Variants in EVA1C observed in about 807,000 individuals in gnomAD.
EVA1C encodes the protein protein eva-1 homolog C.
In EVA1C, 25 loss-of-function variants were observed where a neutral mutation model predicts 45.4. That is an observed-to-expected ratio of 0.55 (90% CI 0.40 to 0.77). The LOEUF is 0.77. Ranked by LOEUF, EVA1C falls within the 30% of genes least tolerant of loss-of-function variation. The pLI, the probability that EVA1C is intolerant of heterozygous loss-of-function variation, is 0.00. For synonymous variants in EVA1C, 190 were observed against 221.2 expected, an observed-to-expected ratio of 0.86 and a Z score of 1.25; for missense variants, 479 against 554.8, an observed-to-expected ratio of 0.86 and a Z score of 1.37.
chr21:32,453,208 A>T (rs927391962), intron 1 of EVA1C, 104 bp from the exon 2 acceptor site: 16 of 750,596 alleles, frequency 2.1e-5, no homozygotes. Flanking sequence ...CATGTTGTTG[A>T]TTGAACAGCC....
At chr21:32,438,500 A>AC (rs1276359343) in intron 1 of EVA1C, among the ~76,000 whole-genome samples, 4 of 150,504 alleles carry the variant, frequency 2.7e-5, no homozygotes, top group African/African-American at 9.7e-5. Flanking sequence ...AAAAAAAAAA[A>AC]AAAAAAAACC....
chr21:32,460,679 A>T (rs1356296747), intron 3 of EVA1C, among the ~76,000 whole-genome samples: 1 of 152,114 alleles, frequency 6.6e-6, no homozygotes, highest in Non-Finnish European at 1.5e-5. Flanking sequence ...TTTCACACAA[A>T]TATGTGCAAG....
chr21:32,467,491 C>A (rs372679804), intron 3 of EVA1C, among the ~76,000 whole-genome samples: 2 of 152,138 alleles, frequency 1.3e-5, no homozygotes, highest in African/African-American at 2.4e-5. Flanking sequence ...AGGGTCTTTG[C>A]GCTTGTCAAC....
Position 32,438,677 on chromosome 21 carries a change from T to C in EVA1C, c.161-14635T>C, listed in dbSNP as rs375175492. On this transcript the variant is annotated intron_variant, in intron 1 of 7. Transcript: ENST00000300255. Reference sequence around the variant, plus strand: ...CCCACTGGTATTGATTTAGGGGTTATAAATAAACATTATCAAGTAGGTGAA... The same window carrying C: ...CCCACTGGTATTGATTTAGGGGTTACAAATAAACATTATCAAGTAGGTGAA... Among the ~76,000 whole-genome samples the C allele has an allele frequency of 2.2e-4, 33 of 152,170 alleles. 3 individuals carry two copies. The highest frequency in any genetic ancestry group is 1.6e-3 in the Admixed American group (25 of 15,272).
At chr21:32,423,896 G>A (rs1379168983) in intron 1 of EVA1C, among the ~76,000 whole-genome samples, 1 of 152,126 alleles carries the variant, frequency 6.6e-6, no homozygotes, top group Admixed American at 6.6e-5. Context: ...TGCCTCTGAT[G>A]CCCTGTGAAT....
chr21:32,445,101 G>C (rs1286383843), intron 1 of EVA1C, among the ~76,000 whole-genome samples: 2 of 152,230 alleles, frequency 1.3e-5, no homozygotes, highest in African/African-American at 4.8e-5. Context: ...AATTTTGAGG[G>C]CTTCAATATT....
intron 7 of EVA1C, among the ~76,000 whole-genome samples, chr21:32,507,981 A>ATG (rs1169375308): frequency 2.1e-5 from 3 of 146,220 alleles, no homozygotes; most frequent in African/African-American, 5.1e-5. Flanking sequence ...GTGTGCCTGC[A>ATG]TGTGTGTGTG....
In EVA1C at chr21:32,504,431, G is replaced by C. The variant is rs16989434; in HGVS notation, c.949+416G>C. 6.8e-3 allele frequency among the ~76,000 whole-genome samples: 1,032 copies of C among 152,278 alleles called. 19 individuals carry two copies. The highest frequency in any genetic ancestry group is 0.045 in the East Asian group (236 of 5,188). On this transcript the variant is annotated intron_variant, in intron 7 of 7. Coordinates refer to ENST00000300255, the MANE Select transcript of EVA1C (RefSeq NM_058187.5). The stretch of plus-strand genomic sequence containing the variant: ...CCCCATGAAGACAGAGCCACTTTCT[G>C]GGTCATGAGTGTTATTCCTAATAGT...
intron 1 of EVA1C, among the ~76,000 whole-genome samples, chr21:32,448,206 C>T (rs528286798): frequency 6.6e-6 from 1 of 152,330 alleles, no homozygotes; most frequent in African/African-American, 2.4e-5. Context: ...AGCATTTGGG[C>T]AGCCTGTCCT....
At chr21:32,451,965 G>A (rs951259530) in intron 1 of EVA1C, among the ~76,000 whole-genome samples, 2 of 152,066 alleles carry the variant, frequency 1.3e-5, no homozygotes, top group African/African-American at 2.4e-5. Context: ...CCCCACCATC[G>A]CCTCCCTGCA....
Position 32,467,698 on chromosome 21 carries a change from G to A in EVA1C, c.484G>A (p.Glu162Lys), listed in dbSNP as rs748629119. 1.2e-6 allele frequency: 2 copies of A among 1,602,370 alleles called. No homozygotes were observed. Among genetic ancestry groups the A allele is most frequent in the Non-Finnish European group, 1.7e-6 (2 of 1,175,860 alleles). Residue 162 changes from glutamate to lysine, a missense_variant and splice_region_variant, in exon 4 of 8, where the codon GAA becomes AAA. Glu to Lys is a moderately conservative substitution (Grantham distance 56). Coordinates refer to ENST00000300255, the MANE Select transcript of EVA1C (RefSeq NM_058187.5). ...TTCAATTTTTGTTTTTGCTTCAGAT[G>A]AATTAAAAAACAAAACCGTGTGTGA... is the stretch of plus-strand genomic sequence containing the variant. ...LLVSFKCQPN[E>K]LKNKTVCEDQ... is the part of the protein sequence containing the mutation.
At chr21:32,511,344 G>C (rs564178625) in intron 7 of EVA1C, among the ~76,000 whole-genome samples, 1 of 150,424 alleles carries the variant, frequency 6.6e-6, no homozygotes, top group Non-Finnish European at 1.5e-5. Context: ...AACCTGGGGT[G>C]GGGGGCGGAG....
intron 4 of EVA1C, among the ~76,000 whole-genome samples, chr21:32,481,099 C>T (rs554812541): frequency 3.9e-5 from 6 of 152,178 alleles, no homozygotes; most frequent in East Asian, 3.9e-4. Flanking sequence ...GTGGGATTTA[C>T]TAGGGCTTTT....
At position 32,422,840 on chromosome 21, in the gene EVA1C, C is replaced by T. The variant is rs561009777; in HGVS notation, c.160+9827C>T. Among the ~76,000 whole-genome samples, 77 of 151,846 alleles carry T rather than the reference C, an allele frequency of 5.1e-4. 1 individual carries two copies. Among genetic ancestry groups the T allele is most frequent in the African/African-American group, 3.4e-4 (14 of 41,326 alleles). On this transcript the variant is annotated intron_variant, in intron 1 of 7. Transcript: ENST00000300255. ...CTGTAATCCCAGCACTTTGGAAGGC[C>T]GAGGCAGATCACTTGAGGTCAGGAG...
intron 6 of EVA1C, among the ~76,000 whole-genome samples, chr21:32,502,116 T>A (rs906331144): frequency 1.3e-5 from 2 of 151,796 alleles, no homozygotes; most frequent in African/African-American, 4.8e-5. Context: ...TTTCTTCTTT[T>A]TCTTTGGAGT....
intron 7 of EVA1C, among the ~76,000 whole-genome samples, chr21:32,509,329 A>G (rs1443975593): frequency 6.6e-6 from 1 of 152,234 alleles, no homozygotes; most frequent in African/African-American, 2.4e-5. Context: ...GCATCTCAGC[A>G]GAGTTGATGC....
chr21:32,458,116 T>C (rs1038607767), intron 3 of EVA1C, among the ~76,000 whole-genome samples: 10 of 152,184 alleles, frequency 6.6e-5, no homozygotes, highest in Non-Finnish European at 7.3e-5. Context: ...TGCCTGTTTT[T>C]CCTTGAGGCC....
At chr21:32,412,656 T>G (rs570709241), upstream of EVA1C, 291 of 436,506 alleles carry the variant, frequency 6.7e-4, 3 homozygotes, top group South Asian at 0.015. Flanking sequence ...CCCGCCCCAG[T>G]TCTCCGCCCC....
At chr21:32,420,755 T>C (rs779456520) in intron 1 of EVA1C, among the ~76,000 whole-genome samples, 146 of 152,358 alleles carry the variant, frequency 9.6e-4, no homozygotes, top group Non-Finnish European at 1.3e-3. Context: ...AAGAACTTCA[T>C]GTTAACTCAT....
Sources: allele counts gnomAD v4.1 joint callset (sites outside exome capture counted in the v4.1 genomes callset), GRCh38; gene constraint gnomAD v4.1.1; transcripts MANE v1.5; gene names NCBI Gene and HGNC (gene_info 2026-07-23, HGNC 2026-07-21).